Variants in NCKAP5 observed in about 807,000 individuals in gnomAD.
NCKAP5 encodes NCK associated protein 5, also known as nck-associated protein 5.
In NCKAP5, 92 loss-of-function variants were observed where a neutral mutation model predicts 167.0. The observed-to-expected ratio is 0.55, with a 90% CI of 0.47 to 0.66. NCKAP5 has a LOEUF of 0.66. NCKAP5 is among the 30% of genes least tolerant of loss of function. NCKAP5 has a pLI of 0.00. For synonymous variants in NCKAP5, 891 were observed against 877.4 expected (o/e 1.02, Z -0.27); for missense variants, 2,378 against 2,315.0 (o/e 1.03, Z -0.56).
At chr2:132,699,400 T>C (rs1687663253) in intron 19 of NCKAP5, among the ~76,000 whole-genome samples, 1 of 152,170 alleles carries the variant, frequency 6.6e-6, no homozygotes, top group Non-Finnish European at 1.5e-5. Context: ...TACACATGTA[T>C]ACATGTGCCA....
intron 6 of NCKAP5, among the ~76,000 whole-genome samples, chr2:133,105,625 C>T (rs1189215866): frequency 6.6e-6 from 1 of 152,190 alleles, no homozygotes; most frequent in African/African-American, 2.4e-5. Context: ...CAGACACAGC[C>T]CATCCACTGG....
At chr2:133,282,634 GGCTATCATATA>G (rs2089972392) in intron 4 of NCKAP5, among the ~76,000 whole-genome samples, 2 of 152,090 alleles carry the variant, frequency 1.3e-5, no homozygotes, top group Non-Finnish European at 2.9e-5. Flanking sequence ...TGCTGAATAG[GGCTATCATATA>G]GCATGCATAT....
intron 3 of NCKAP5, among the ~76,000 whole-genome samples, chr2:133,499,557 TTTTTTG>T (rs1231560520): frequency 3.4e-4 from 1 of 2,960 alleles, no homozygotes; most frequent in African/African-American, 2.8e-3. Flanking sequence ...TTCTTTTTTG[TTTTTTG>T]TTTTTTGTTT....
Position 133,503,035 on chromosome 2 carries a change from C to G in NCKAP5, c.69+14423G>C, listed in dbSNP as rs112032390. ...TGAGAGTGGACAGAAACAATTTCAGCTCTCAGGGGTGAGCCAGTTTAGGTG... is the reference window on the plus strand; with the variant it reads ...TGAGAGTGGACAGAAACAATTTCAGGTCTCAGGGGTGAGCCAGTTTAGGTG... On this transcript the variant is annotated intron_variant, in intron 3 of 19. Coordinates refer to ENST00000409261, the MANE Select transcript of NCKAP5 (RefSeq NM_207363.3). Among the ~76,000 whole-genome samples, 5 of 152,304 alleles carry G rather than the reference C, an allele frequency of 3.3e-5. 1 individual carries two copies. The highest frequency in any genetic ancestry group is 1.2e-4 in the African/African-American group (5 of 41,578).
intron 3 of NCKAP5, chr2:133,391,548 C>T (rs934197262): frequency 6.6e-6 from 1 of 152,184 alleles, no homozygotes; most frequent in Non-Finnish European, 1.5e-5. Context: ...CTGAGTCTTC[C>T]TTCTCTATCT....
rs561821894 is a variant in NCKAP5, at chr2:133,194,582, G to A, written c.207+19134C>T. Among the ~76,000 whole-genome samples the A allele has an allele frequency of 3.3e-5, 5 of 151,992 alleles. No homozygotes were observed. The South Asian group carries it at 1.0e-3, about 32-fold the overall frequency. Reference sequence around the variant, plus strand: ...CTATTCCAAGGTGAACTTCTCTCCTGAATTTCCATGTTCCTACTATCTATC... The same window carrying A: ...CTATTCCAAGGTGAACTTCTCTCCTAAATTTCCATGTTCCTACTATCTATC... On this transcript the variant is annotated intron_variant, in intron 5 of 19. Coordinates refer to ENST00000409261, the MANE Select transcript of NCKAP5 (RefSeq NM_207363.3).
chr2:132,938,013 G>A (rs1476057217), intron 8 of NCKAP5, among the ~76,000 whole-genome samples: 1 of 152,194 alleles, frequency 6.6e-6, no homozygotes, highest in African/African-American at 2.4e-5. Context: ...TTTCAACGTG[G>A]ACTAAACAAA....
intron 9 of NCKAP5, among the ~76,000 whole-genome samples, chr2:132,870,953 A>T (rs1690767557): frequency 6.6e-6 from 1 of 152,112 alleles, no homozygotes; most frequent in Non-Finnish European, 1.5e-5. Flanking sequence ...ATGCACAAGA[A>T]GGATTTTTTT....
At chr2:133,116,751 A>T (rs946915105) in intron 6 of NCKAP5, among the ~76,000 whole-genome samples, 2 of 152,198 alleles carry the variant, frequency 1.3e-5, no homozygotes, top group African/African-American at 2.4e-5. Context: ...GACAGACCTG[A>T]CTTAAATCCT....
intron 5 of NCKAP5, among the ~76,000 whole-genome samples, chr2:133,211,154 A>G (rs2086198153): frequency 6.6e-6 from 1 of 151,648 alleles, no homozygotes; most frequent in African/African-American, 2.4e-5. Context: ...AGACATCCCC[A>G]TGGTAAAAAC....
intron 3 of NCKAP5, among the ~76,000 whole-genome samples, chr2:133,455,034 T>C (rs766282652): frequency 4.6e-5 from 7 of 152,136 alleles, no homozygotes; most frequent in Non-Finnish European, 1.0e-4. Flanking sequence ...TGTTGACTTG[T>C]ATCTGAGTCT....
At chr2:133,148,007 T>C (rs12613747) in intron 5 of NCKAP5, among the ~76,000 whole-genome samples, 19,770 of 152,104 alleles carry the variant, frequency 0.13, 1,495 homozygotes, top group East Asian at 0.38. Flanking sequence ...AAAAATAAAT[T>C]TGCAAATGTA....
intron 3 of NCKAP5, among the ~76,000 whole-genome samples, chr2:133,462,052 C>G (rs773445550): frequency 6.6e-6 from 1 of 152,176 alleles, no homozygotes; most frequent in Non-Finnish European, 1.5e-5. Context: ...GTTTTGAAGT[C>G]TGGGTTAAAG....
chr2:132,894,429 G>T (rs1163226047), intron 8 of NCKAP5, among the ~76,000 whole-genome samples: 1 of 152,154 alleles, frequency 6.6e-6, no homozygotes, highest in East Asian at 1.9e-4. Context: ...CTATTGCCTT[G>T]CCATGTAATG....
the NCKAP5 span, among the ~76,000 whole-genome samples, chr2:133,607,601 A>G: frequency 6.6e-6 from 1 of 152,236 alleles, no homozygotes; most frequent in Non-Finnish European, 1.5e-5. Context: ...TCCTGTGAAT[A>G]ATAGATACTA....
intron 16 of NCKAP5, among the ~76,000 whole-genome samples, chr2:132,751,937 A>T (rs1680148855): frequency 6.6e-6 from 1 of 152,220 alleles, no homozygotes; most frequent in Non-Finnish European, 1.5e-5. Flanking sequence ...AAGGGGGAAA[A>T]GACCATTTCA....
chr2:133,460,159 C>T (rs1297944330), intron 3 of NCKAP5, among the ~76,000 whole-genome samples: 1 of 152,132 alleles, frequency 6.6e-6, no homozygotes, highest in Non-Finnish European at 1.5e-5. Flanking sequence ...GCTACCCTTC[C>T]AACACTAACA....
chr2:133,503,327 G>A (rs758709849), intron 3 of NCKAP5, among the ~76,000 whole-genome samples: 2 of 152,180 alleles, frequency 1.3e-5, no homozygotes, highest in African/African-American at 4.8e-5. Context: ...AGTTCTTACT[G>A]TTCTGGAGTA....
intron 6 of NCKAP5, chr2:133,121,913 A>G (rs2149762550): frequency 6.6e-6 from 1 of 152,364 alleles, no homozygotes; most frequent in South Asian, 2.1e-4. Flanking sequence ...AAAATGAACT[A>G]CTGATTTTTG....
Sources: allele counts gnomAD v4.1 joint callset (sites outside exome capture counted in the v4.1 genomes callset), GRCh38; gene constraint gnomAD v4.1.1; transcripts MANE v1.5; gene names NCBI Gene and HGNC (gene_info 2026-07-23, HGNC 2026-07-21).